RAD51B: variants seen among roughly 807,000 people sequenced by gnomAD.
The protein encoded by RAD51B is RAD51 paralog B, also known as DNA repair protein RAD51 homolog 2.
Under a neutral mutation model 42.2 loss-of-function variants are expected in RAD51B, and 38 were observed. The observed-to-expected ratio is 0.90, with a 90% CI of 0.70 to 1.18. The LOEUF (loss-of-function observed/expected upper bound fraction) is 1.18. Among genes scored for constraint, RAD51B ranks in the 50% most tolerant of loss-of-function variants. RAD51B has a pLI of 0.00. For synonymous variants in RAD51B, 154 were observed against 145.2 expected, an observed-to-expected ratio of 1.06 and a Z score of -0.43; for missense variants, 373 against 400.7, an observed-to-expected ratio of 0.93 and a Z score of 0.59.
chr14:68,100,644 T>C (rs2077273437), intron 7 of RAD51B, among the ~76,000 whole-genome samples: 1 of 152,186 alleles, frequency 6.6e-6, no homozygotes, highest in Non-Finnish European at 1.5e-5. Flanking sequence ...TTTTTCTCCG[T>C]GAACAATTTT....
chr14:68,037,036 C>A (rs2076135200), intron 7 of RAD51B, among the ~76,000 whole-genome samples: 1 of 106,536 alleles, frequency 9.4e-6, no homozygotes, highest in Non-Finnish European at 1.9e-5. Flanking sequence ...CCCTCCCTCC[C>A]CCCCTCCCTT....
At chr14:68,091,743 T>G (rs888142597) in intron 7 of RAD51B, among the ~76,000 whole-genome samples, 2 of 152,240 alleles carry the variant, frequency 1.3e-5, no homozygotes, top group African/African-American at 2.4e-5. Context: ...TGGCCATTGC[T>G]TTTGGTGTGT....
At chr14:67,903,387 G>A (rs1265866602) in intron 7 of RAD51B, among the ~76,000 whole-genome samples, 1 of 152,004 alleles carries the variant, frequency 6.6e-6, no homozygotes, top group East Asian at 1.9e-4. Flanking sequence ...GCCTTAAGAA[G>A]TTAAATAACT....
intron 7 of RAD51B, among the ~76,000 whole-genome samples, chr14:68,015,591 A>C (rs1227468893): frequency 6.6e-6 from 1 of 152,160 alleles, no homozygotes; most frequent in Non-Finnish European, 1.5e-5. Context: ...TAAAACCATC[A>C]GATTTCGGGA....
chr14:68,337,952 G>GTGTTT (rs920711765), intron 8 of RAD51B, among the ~76,000 whole-genome samples: 8 of 151,448 alleles, frequency 5.3e-5, no homozygotes, highest in African/African-American at 1.9e-4. Flanking sequence ...TTTAGTTTTT[G>GTGTTT]TGTTTTGTTT....
At chr14:67,959,415 G>T (rs561690736) in intron 7 of RAD51B, among the ~76,000 whole-genome samples, 160 of 151,688 alleles carry the variant, frequency 1.1e-3, no homozygotes, top group African/African-American at 3.5e-3. Context: ...CCTGGCTAAT[G>T]TTTTTGTATT....
chr14:68,081,472 G>C (rs757593607), intron 7 of RAD51B, among the ~76,000 whole-genome samples: 1 of 152,086 alleles, frequency 6.6e-6, no homozygotes, highest in African/African-American at 2.4e-5. Flanking sequence ...GAGTGAGGGC[G>C]GAGTCCTATT....
At chr14:67,893,524 A>G (rs1267416249) in intron 7 of RAD51B, among the ~76,000 whole-genome samples, 1 of 147,428 alleles carries the variant, frequency 6.8e-6, no homozygotes, top group African/African-American at 2.5e-5. Flanking sequence ...AAAAACAATT[A>G]GCTGGGTGTG....
At chr14:68,032,164 A>G (rs148831079) in intron 7 of RAD51B, among the ~76,000 whole-genome samples, 10 of 152,334 alleles carry the variant, frequency 6.6e-5, no homozygotes, top group Non-Finnish European at 1.0e-4. Flanking sequence ...CGTGAAGATC[A>G]AAAGTGATAT....
At chr14:68,575,621 G>A (rs929025405) in intron 10 of RAD51B, among the ~76,000 whole-genome samples, 1 of 152,160 alleles carries the variant, frequency 6.6e-6, no homozygotes, top group Non-Finnish European at 1.5e-5. Flanking sequence ...CATGGTGAAT[G>A]GGGATTCTCC....
intron 10 of RAD51B, among the ~76,000 whole-genome samples, chr14:68,626,360 T>C (rs2140119145): frequency 6.6e-6 from 1 of 152,332 alleles, no homozygotes; most frequent in Admixed American, 6.5e-5. Context: ...TAGCATTTCA[T>C]TCCTCTTGAA....
intron 9 of RAD51B, among the ~76,000 whole-genome samples, chr14:68,433,699 C>T (rs2085073014): frequency 1.3e-5 from 2 of 152,210 alleles, no homozygotes; most frequent in African/African-American, 4.8e-5. Flanking sequence ...TGAACTTCCT[C>T]CTTTAGCTCG....
chr14:68,437,109 A>G lies in RAD51B; in HGVS notation c.957+25582A>G, dbSNP rs558594978. On this transcript the variant is annotated intron_variant, in intron 9 of 10. Transcript: ENST00000471583. ...TGTCCTATTCCTGTTCTTAAAGAGA[A>G]TGCTTCTAACTTTTGCCCATTCAGT... 1.6e-4 allele frequency among the ~76,000 whole-genome samples: 24 copies of G among 152,246 alleles called. 1 individual carries two copies. Among genetic ancestry groups the G allele is most frequent in the African/African-American group, 5.1e-4 (21 of 41,526 alleles).
chr14:68,334,367 G>A lies in RAD51B; in HGVS notation c.853+42387G>A, dbSNP rs542956028. Among the ~76,000 whole-genome samples, 8 of 152,260 alleles carry A rather than the reference G, an allele frequency of 5.3e-5. No homozygotes were observed. In the South Asian group the frequency reaches 1.7e-3, roughly 32 times the overall value. ...GTTATTAAGAAAATCATAAGGAAGA[G>A]AAAACATATTTACCATTCATTAAAT... On this transcript the variant is annotated intron_variant, in intron 8 of 10. Coordinates refer to ENST00000471583, the MANE Select transcript of RAD51B (RefSeq NM_133510.4).
chr14:68,491,884 A>G (rs747965680), intron 10 of RAD51B, among the ~76,000 whole-genome samples: 1 of 152,222 alleles, frequency 6.6e-6, no homozygotes, highest in Non-Finnish European at 1.5e-5. Context: ...TCGTCTGCTC[A>G]AAACTCTCAA....
intron 10 of RAD51B, among the ~76,000 whole-genome samples, chr14:68,569,918 C>G (rs1348145518): frequency 6.6e-6 from 1 of 152,216 alleles, no homozygotes; most frequent in Non-Finnish European, 1.5e-5. Context: ...GGGCACAAGC[C>G]TTTGCTCATA....
chr14:68,339,279 G>A (rs2082524320), intron 8 of RAD51B: 1 of 927,342 alleles, frequency 1.1e-6, no homozygotes, highest in Non-Finnish European at 1.7e-6. Flanking sequence ...CAGGGCCTGG[G>A]TGAACTGGTT....
At position 68,216,548 on chromosome 14, in the gene RAD51B, A is replaced by G. The variant is rs2079819680; in HGVS notation, c.757-75336A>G. ...TATATCATTCAGTTTCTCCAAAGCC[A>G]TGAAATGTCTTTAAGTCTCCCTGAA... is the stretch of plus-strand genomic sequence containing the variant. On this transcript the variant is annotated intron_variant, in intron 7 of 10. Coordinates refer to ENST00000471583, the MANE Select transcript of RAD51B (RefSeq NM_133510.4). Among the ~76,000 whole-genome samples the G allele has an allele frequency of 2.0e-5, 3 of 152,210 alleles. 1 individual carries two copies. The South Asian group carries it at 6.2e-4, about 32-fold the overall frequency.
chr14:68,462,340 C>T (rs2085865692), intron 9 of RAD51B, among the ~76,000 whole-genome samples: 1 of 152,152 alleles, frequency 6.6e-6, no homozygotes, highest in African/African-American at 2.4e-5. Flanking sequence ...AGATCAAGGA[C>T]CTCTCTGTCT....
Sources: gnomAD v4.1 joint callset for allele counts (sites outside exome capture counted in the v4.1 genomes callset) on GRCh38, gnomAD v4.1.1 for gene constraint, MANE v1.5 for transcripts, NCBI Gene and HGNC (gene_info 2026-07-23, HGNC 2026-07-21) for gene names.